CTNNA2: variants seen among roughly 807,000 people sequenced by gnomAD.
CTNNA2 encodes catenin alpha-2.
CTNNA2 carries 42 observed loss-of-function variants against 101.0 expected under a neutral mutation model. The ratio of observed to expected loss-of-function variants is 0.42; its 90% confidence interval spans 0.32 to 0.54. The LOEUF (loss-of-function observed/expected upper bound fraction) is 0.54. Among genes scored for constraint, CTNNA2 ranks in the 20% least tolerant of loss-of-function variants. CTNNA2 has a pLI of 0.14. For missense variants in CTNNA2, 871 were observed against 1,223.1 expected, an observed-to-expected ratio of 0.71 and a Z score of 4.29; for synonymous variants, 450 against 456.4, an observed-to-expected ratio of 0.99 and a Z score of 0.18.
chr2:80,385,405 A>G (rs1243378547), intron 7 of CTNNA2, among the ~76,000 whole-genome samples: 2 of 152,188 alleles, frequency 1.3e-5, no homozygotes, highest in Non-Finnish European at 2.9e-5. Context: ...CCTTCTTGGA[A>G]TAAGAAGTGG....
intron 7 of CTNNA2, among the ~76,000 whole-genome samples, chr2:80,099,626 T>G (rs1700411593): frequency 1.3e-5 from 2 of 152,150 alleles, no homozygotes; most frequent in Admixed American, 1.3e-4. Context: ...CAATGTGGTG[T>G]GTGGTCACCA....
At chr2:79,824,986 T>C (rs1372411405) in intron 3 of CTNNA2, among the ~76,000 whole-genome samples, 1 of 152,130 alleles carries the variant, frequency 6.6e-6, no homozygotes, top group Non-Finnish European at 1.5e-5. Context: ...GGACAAGGGT[T>C]CAGCACAAAC....
intron 2 of CTNNA2, among the ~76,000 whole-genome samples, chr2:79,257,510 A>C (rs1674863564): frequency 6.6e-6 from 1 of 152,050 alleles, no homozygotes; most frequent in Admixed American, 6.6e-5. Flanking sequence ...AAAAAAAAAA[A>C]AACTTCATAG....
intron 7 of CTNNA2, among the ~76,000 whole-genome samples, chr2:80,194,236 T>C (rs1481047774): frequency 6.6e-6 from 1 of 152,190 alleles, no homozygotes; most frequent in Non-Finnish European, 1.5e-5. Flanking sequence ...TACTAAATTA[T>C]TAAAGGTGGC....
chr2:79,629,699 G>A (rs1001020453), intron 1 of CTNNA2, among the ~76,000 whole-genome samples: 1 of 152,196 alleles, frequency 6.6e-6, no homozygotes, highest in African/African-American at 2.4e-5. Flanking sequence ...TATGATCTCA[G>A]TGTCTCGATA....
At chr2:80,026,546 C>G (rs1694942348) in intron 7 of CTNNA2, among the ~76,000 whole-genome samples, 1 of 152,172 alleles carries the variant, frequency 6.6e-6, no homozygotes, top group Admixed American at 6.5e-5. Flanking sequence ...TTAAGAGATA[C>G]TTTCTACTCT....
intron 7 of CTNNA2, chr2:80,328,215 T>G (rs1309073690): frequency 2.2e-6 from 1 of 462,078 alleles, no homozygotes; most frequent in African/African-American, 2.0e-5. Flanking sequence ...TTTTTGGGTT[T>G]TGTCATTATC....
chr2:79,684,944 C>G (rs1276383857), intron 2 of CTNNA2, among the ~76,000 whole-genome samples: 1 of 152,088 alleles, frequency 6.6e-6, no homozygotes, highest in Non-Finnish European at 1.5e-5. Flanking sequence ...CTGGGAAATT[C>G]TTACATCAAT....
chr2:80,624,076 T>C (rs1391045969), intron 18 of CTNNA2, among the ~76,000 whole-genome samples: 1 of 152,004 alleles, frequency 6.6e-6, no homozygotes, highest in Non-Finnish European at 1.5e-5. Context: ...TTTTTCTTTG[T>C]CATGCTCCAA....
intron 2 of CTNNA2, among the ~76,000 whole-genome samples, chr2:79,220,832 A>C (rs774492844): frequency 6.6e-6 from 1 of 152,232 alleles, no homozygotes; most frequent in Non-Finnish European, 1.5e-5. Context: ...GCTGTAGGAA[A>C]GATAAACAGG....
chr2:79,342,580 C>A (rs1677161693), intron 3 of CTNNA2, among the ~76,000 whole-genome samples: 1 of 152,176 alleles, frequency 6.6e-6, no homozygotes. Context: ...TTAGTTATCT[C>A]ATTTAATTAT....
intron 4 of CTNNA2, among the ~76,000 whole-genome samples, chr2:79,476,832 C>A (rs990785044): frequency 6.6e-6 from 1 of 152,206 alleles, no homozygotes; most frequent in Admixed American, 6.5e-5. Flanking sequence ...TGGGTACACT[C>A]ATCTGTACTC....
chr2:79,506,237 A>T (rs1402652256), intron 5 of CTNNA2, among the ~76,000 whole-genome samples: 1 of 152,054 alleles, frequency 6.6e-6, no homozygotes, highest in Non-Finnish European at 1.5e-5. Context: ...GTGGTTTAAA[A>T]CTTTGTTCGA....
At chr2:80,253,993 G>A (rs1193617357) in intron 7 of CTNNA2, among the ~76,000 whole-genome samples, 1 of 152,094 alleles carries the variant, frequency 6.6e-6, no homozygotes, top group African/African-American at 2.4e-5. Context: ...GAAGAAAAGA[G>A]GCATTCCATT....
At chr2:79,361,323 G>T (rs1351304892) in intron 3 of CTNNA2, among the ~76,000 whole-genome samples, 1 of 152,002 alleles carries the variant, frequency 6.6e-6, no homozygotes, top group Non-Finnish European at 1.5e-5. Flanking sequence ...AATCTAATTG[G>T]GTGGATAAGT....
chr2:80,292,547 C>T (rs1037255186), intron 7 of CTNNA2, among the ~76,000 whole-genome samples: 5 of 152,080 alleles, frequency 3.3e-5, no homozygotes, highest in Admixed American at 6.5e-5. Context: ...TTGCCAGGCA[C>T]CTAGCAAGTA....
Position 79,767,502 on chromosome 2 carries a change from T to C in CTNNA2, c.298+22920T>C, listed in dbSNP as rs1305242840. On this transcript the variant is annotated intron_variant, in intron 3 of 18. Coordinates refer to ENST00000402739, the MANE Select transcript of CTNNA2 (RefSeq NM_001282597.3). ...GTACCCATCCTTCTTGGGAAGGCTT[T>C]CCAGATATTTGAAAAAACTTCGTTG... Among the ~76,000 whole-genome samples, 3 of 152,130 alleles carry C rather than the reference T, an allele frequency of 2.0e-5. 1 individual carries two copies. Among genetic ancestry groups the C allele is most frequent in the East Asian group, 3.9e-4 (2 of 5,130 alleles).
intron 4 of CTNNA2, 125 bp downstream of exon 4, chr2:79,858,304 G>A (rs942485184): frequency 5.3e-6 from 3 of 566,124 alleles, no homozygotes; most frequent in Non-Finnish European, 8.6e-6. Flanking sequence ...ACCTACCCAT[G>A]TGGTGCCCAC....
intron 1 of CTNNA2, among the ~76,000 whole-genome samples, chr2:79,529,395 G>T (rs1375897537): frequency 6.9e-6 from 1 of 145,620 alleles, no homozygotes; most frequent in Non-Finnish European, 1.5e-5. Context: ...AAAATATGAA[G>T]AGCTTACAGG....
Sources: gnomAD v4.1 joint callset for allele counts (sites outside exome capture counted in the v4.1 genomes callset) on GRCh38, gnomAD v4.1.1 for gene constraint, MANE v1.5 for transcripts, NCBI Gene and HGNC (gene_info 2026-07-23, HGNC 2026-07-21) for gene names.